Variants in SLC12A1 observed in about 807,000 individuals in gnomAD.
SLC12A1 encodes Na-K-2Cl cotransporter.
In SLC12A1, 89 loss-of-function variants were observed where a neutral mutation model predicts 130.4. The ratio of observed to expected loss-of-function variants is 0.68; its 90% confidence interval spans 0.58 to 0.81. The LOEUF is 0.81. Ranked by LOEUF, SLC12A1 falls within the 40% of genes least tolerant of loss-of-function variation. SLC12A1 has a pLI of 0.00. For synonymous variants in SLC12A1, 499 were observed against 460.0 expected (o/e 1.08, Z -1.09); for missense variants, 1,310 against 1,336.4 (o/e 0.98, Z 0.31).
chr15:48,271,710 G>A (rs950352075), intron 19 of SLC12A1, among the ~76,000 whole-genome samples: 1 of 152,124 alleles, frequency 6.6e-6, no homozygotes, highest in African/African-American at 2.4e-5. Flanking sequence ...CTGGGGCCAC[G>A]TACTGTCATC....
chr15:48,297,780 T>C (rs1333007088), intron 24 of SLC12A1, among the ~76,000 whole-genome samples: 2 of 152,132 alleles, frequency 1.3e-5, no homozygotes, highest in Non-Finnish European at 2.9e-5. Context: ...TACTCCCCTT[T>C]TATAGCCTAG....
rs1240003806 is a variant in SLC12A1 at position 48,249,626 on chromosome 15, A to G, written c.1736A>G (p.Tyr579Cys). ...PIISNFFLAS[Y>C]ALINFSCFHA... ...ATCTCCAACTTTTTCCTGGCCTCATATGCACTTATTAATTTCTCCTGCTTC... is the reference window on the plus strand; with the variant it reads ...ATCTCCAACTTTTTCCTGGCCTCATGTGCACTTATTAATTTCTCCTGCTTC... The change falls in exon 14 of 27, where the codon TAT (tyrosine) becomes TGT (cysteine). Residue 579 changes from tyrosine to cysteine, a missense_variant. Coordinates refer to ENST00000380993, the MANE Select transcript of SLC12A1 (RefSeq NM_000338.3). 6.2e-7 allele frequency: 1 copy of G among 1,613,858 alleles called. No individual in the cohort carries two copies. Among genetic ancestry groups the G allele is most frequent in the Non-Finnish European group, 8.5e-7 (1 of 1,179,884 alleles).
At chr15:48,243,035 G>A (rs1283423018) in intron 10 of SLC12A1, among the ~76,000 whole-genome samples, 1 of 152,044 alleles carries the variant, frequency 6.6e-6, no homozygotes. Flanking sequence ...CCCCTAAAGG[G>A]TGGGAAAATA....
Position 48,238,024 on chromosome 15 carries a change from G to GA in SLC12A1, c.1215+3029dup, listed in dbSNP as rs201083408. Among the ~76,000 whole-genome samples, 549 of 150,488 alleles carry GA rather than the reference G, an allele frequency of 3.6e-3. 2 individuals carry two copies. Among genetic ancestry groups the GA allele is most frequent in the African/African-American group, 0.013 (515 of 41,018 alleles). On this transcript the variant is annotated intron_variant, in intron 9 of 26. Transcript: ENST00000380993. ...TTTGTTAGAATTAGGAGAAGAAATA[G>GA]AAAAAAAAATGTTTTTTACTATGAT...
Position 48,207,617 on chromosome 15 carries a change from C to T in SLC12A1, c.-103C>T. ...AATCATCTAGAACAAAAGCCAGGAGCTCCCTAATGGAAGCACATTAGTGTT... is the reference window on the plus strand; with the variant it reads ...AATCATCTAGAACAAAAGCCAGGAGTTCCCTAATGGAAGCACATTAGTGTT... On this transcript the variant is annotated 5_prime_UTR_variant, in exon 2 of 27. Coordinates refer to ENST00000380993, the MANE Select transcript of SLC12A1 (RefSeq NM_000338.3). 1.1e-6 allele frequency: 1 copy of T among 884,662 alleles called. No individual in the cohort carries two copies. Among genetic ancestry groups the T allele is most frequent in the Non-Finnish European group, 1.6e-6 (1 of 614,182 alleles). 54.8% of individuals were successfully genotyped at this position (884,662 alleles called of 1,614,324 possible). A position where few individuals can be genotyped will look rare whatever the true frequency, so the allele number is the denominator to read the frequency against.
At position 48,259,278 on chromosome 15, in the gene SLC12A1, C is replaced by T. The variant is rs766244569; in HGVS notation, c.2121C>T (p.Asn707=). 1.2e-6 allele frequency: 2 copies of T among 1,613,746 alleles called. No individual in the cohort carries two copies. The highest frequency in any genetic ancestry group is 1.7e-6 in the Non-Finnish European group (2 of 1,179,674). The change falls in exon 17 of 27, where the codon AAC becomes AAT. Residue 707 remains asparagine, a synonymous_variant. Coordinates refer to ENST00000380993, the MANE Select transcript of SLC12A1 (RefSeq NM_000338.3). The part of the protein sequence containing the change: ...LLDITHAFTK[N]SGLCICCEVF... ...ACATAACTCACGCCTTTACCAAGAACAGTGGCCTTTGCATCTGCTGTGAAG... is the reference window on the plus strand; with the variant it reads ...ACATAACTCACGCCTTTACCAAGAATAGTGGCCTTTGCATCTGCTGTGAAG...
At chr15:48,234,752 CA>C (rs397948995) in intron 8 of SLC12A1, 124 bp from the exon 9 acceptor site, 59,822 of 650,532 alleles carry the variant, frequency 0.092, no homozygotes, top group South Asian at 0.13. Flanking sequence ...GACTCTGTCT[CA>C]AAAAAAAAAA....
intron 20 of SLC12A1, among the ~76,000 whole-genome samples, chr15:48,277,070 A>G (rs1282433221): frequency 2.0e-5 from 3 of 152,206 alleles, no homozygotes; most frequent in Admixed American, 6.5e-5. Context: ...ATATGGATGT[A>G]GCCAACCCTT....
chr15:48,243,471 G>C (rs540292230), intron 10 of SLC12A1, among the ~76,000 whole-genome samples: 15 of 152,176 alleles, frequency 9.9e-5, no homozygotes, highest in African/African-American at 3.1e-4. Flanking sequence ...GCCTGCCCAA[G>C]AGGGTGAAAC....
At chr15:48,291,665 G>A in intron 23 of SLC12A1, 113 bp from the exon 24 acceptor site, 1 of 705,330 alleles carries the variant, frequency 1.4e-6, no homozygotes. Context: ...CTGTCTGAAA[G>A]CTAAGCTGAA....
chr15:48,289,955 AT>A (rs1191649444), intron 23 of SLC12A1, among the ~76,000 whole-genome samples: 1 of 152,188 alleles, frequency 6.6e-6, no homozygotes, highest in Middle Eastern at 3.4e-3. Context: ...AATAAAAAAT[AT>A]TTTTTTCTTC....
At chr15:48,226,451 A>C in intron 4 of SLC12A1, 25 bp from the exon 5 acceptor site, 2 of 1,378,886 alleles carry the variant, frequency 1.5e-6, no homozygotes, top group Non-Finnish European at 1.0e-6. Context: ...AAAATGCAAT[A>C]TCTTCTATCT....
Position 48,299,207 on chromosome 15 carries a change from G to A in SLC12A1, c.3028G>A (p.Ala1010Thr). ...TGAAAGCTGCAAAGATTTAACAACTGCTGAGAAATTAAAAAGAGAAACTCC... is the reference window on the plus strand; with the variant it reads ...TGAAAGCTGCAAAGATTTAACAACTACTGAGAAATTAAAAAGAGAAACTCC... ...LHESCKDLTTAEKLKRETPWK... is the reference protein window; with the variant it reads ...LHESCKDLTTTEKLKRETPWK... Residue 1010 changes from alanine (A) to threonine (T), a missense_variant, in exon 25 of 27, where the codon GCT becomes ACT. Ala to Thr is a moderately conservative substitution (Grantham distance 58). Coordinates refer to ENST00000380993, the MANE Select transcript of SLC12A1 (RefSeq NM_000338.3). 6.2e-7 allele frequency: 1 copy of A among 1,608,988 alleles called. No homozygotes were observed. The highest frequency in any genetic ancestry group is 1.1e-5 in the South Asian group (1 of 89,500).
At chr15:48,301,224 A>AG in intron 25 of SLC12A1, 91 bp from the exon 26 acceptor site, 2 of 877,392 alleles carry the variant, frequency 2.3e-6, no homozygotes, top group Non-Finnish European at 3.7e-6. Flanking sequence ...TTTTAAGATG[A>AG]GATTTTCTGC....
At chr15:48,301,761 C>G (rs117717976) in intron 26 of SLC12A1, among the ~76,000 whole-genome samples, 1 of 152,108 alleles carries the variant, frequency 6.6e-6, no homozygotes, top group African/African-American at 2.4e-5. Flanking sequence ...AGCCACTGTG[C>G]CCATGGCAGG....
At chr15:48,243,080 C>T (rs1343984307) in intron 10 of SLC12A1, among the ~76,000 whole-genome samples, 2 of 152,016 alleles carry the variant, frequency 1.3e-5, no homozygotes, top group Admixed American at 1.3e-4. Flanking sequence ...AGGAGAAGGA[C>T]AGTCGTGGAG....
At chr15:48,224,987 T>TA (rs1174867647) in intron 4 of SLC12A1, 1 of 152,190 alleles carries the variant, frequency 6.6e-6, no homozygotes, top group East Asian at 1.9e-4. Flanking sequence ...TTGTGTTTCT[T>TA]ACATTACCTG....
intron 21 of SLC12A1, among the ~76,000 whole-genome samples, chr15:48,287,140 C>T (rs111793757): frequency 0.023 from 3,543 of 152,282 alleles, 67 homozygotes; most frequent in African/African-American, 0.042. Flanking sequence ...AAAGTCATGA[C>T]TTTCAAAGAC....
chr15:48,246,279 C>A (rs1426668373), intron 11 of SLC12A1, among the ~76,000 whole-genome samples: 1 of 152,134 alleles, frequency 6.6e-6, no homozygotes, highest in Non-Finnish European at 1.5e-5. Flanking sequence ...CCTCCCCAAA[C>A]CTTATTAAAA....
Sources: gnomAD v4.1 joint callset for allele counts (sites outside exome capture counted in the v4.1 genomes callset) on GRCh38, gnomAD v4.1.1 for gene constraint, MANE v1.5 for transcripts, NCBI Gene and HGNC (gene_info 2026-07-23, HGNC 2026-07-21) for gene names.